Variants in SYNPR observed in about 807,000 individuals in gnomAD.
SYNPR encodes synaptoporin.
Under a neutral mutation model 32.9 loss-of-function variants are expected in SYNPR, and 23 were observed. The observed-to-expected ratio is 0.70, with a 90% CI of 0.50 to 0.99. SYNPR has a LOEUF of 0.99. Among genes scored for constraint, SYNPR ranks in the 50% least tolerant of loss-of-function variants. The pLI, the probability that SYNPR is intolerant of heterozygous loss-of-function variation, is 0.00. For synonymous variants in SYNPR, 146 were observed against 135.9 expected (o/e 1.07, Z -0.52); for missense variants, 318 against 349.3 (o/e 0.91, Z 0.71).
At chr3:63,208,760 C>T in the SYNPR span, among the ~76,000 whole-genome samples, 8 of 152,132 alleles carry the variant, frequency 5.3e-5, no homozygotes, top group African/African-American at 1.9e-4. Flanking sequence ...AAGTCAGAGA[C>T]CATGTCTTTC....
intron 2 of SYNPR, among the ~76,000 whole-genome samples, chr3:63,385,928 G>A (rs2088037898): frequency 6.6e-6 from 1 of 152,186 alleles, no homozygotes; most frequent in African/African-American, 2.4e-5. Context: ...GACTATCGAA[G>A]CTAAGACTCA....
chr3:63,374,699 G>C (rs1352513183), intron 2 of SYNPR, among the ~76,000 whole-genome samples: 2 of 152,068 alleles, frequency 1.3e-5, no homozygotes, highest in Non-Finnish European at 2.9e-5. Flanking sequence ...ATGATATTTT[G>C]GATATAGTTT....
At chr3:63,614,019 C>T (rs1700242025) in intron 5 of SYNPR, among the ~76,000 whole-genome samples, 1 of 140,098 alleles carries the variant, frequency 7.1e-6, no homozygotes, top group Admixed American at 7.3e-5. Flanking sequence ...CTTGACTACA[C>T]CAGTGCCCCC....
intron 2 of SYNPR, among the ~76,000 whole-genome samples, chr3:63,387,837 T>C (rs2088074202): frequency 6.6e-6 from 1 of 152,160 alleles, no homozygotes; most frequent in East Asian, 1.9e-4. Flanking sequence ...GGGACAAAGC[T>C]ACTGAGACCG....
chr3:63,277,326 TAGAA>T (rs1157398532), upstream of SYNPR, among the ~76,000 whole-genome samples: 1 of 152,196 alleles, frequency 6.6e-6, no homozygotes, highest in Non-Finnish European at 1.5e-5. Context: ...TTTCAGCTCA[TAGAA>T]AGAACTCACT....
chr3:63,408,307 GGAAGGAAGGAAGGAAAGAAA>G (rs1400579836), intron 2 of SYNPR, among the ~76,000 whole-genome samples: 2 of 89,074 alleles, frequency 2.2e-5, no homozygotes, highest in South Asian at 3.5e-4. Context: ...AAGGAAGGAA[GGAAGGAAGGAAGGAAAGAAA>G]GAAAGAAAGA....
intron 1 of SYNPR, among the ~76,000 whole-genome samples, chr3:63,247,103 A>G (rs1323971299): frequency 6.6e-6 from 1 of 152,068 alleles, no homozygotes; most frequent in African/African-American, 2.4e-5. Flanking sequence ...ATAATACCTG[A>G]CATTGTGCTG....
intron 2 of SYNPR, among the ~76,000 whole-genome samples, chr3:63,426,983 G>A (rs1699904224): frequency 6.6e-6 from 1 of 152,012 alleles, no homozygotes; most frequent in South Asian, 2.1e-4. Context: ...AGTTCTACCA[G>A]AATAAATATG....
chr3:63,502,847 C>T (rs1575679203), intron 3 of SYNPR, among the ~76,000 whole-genome samples: 1 of 151,914 alleles, frequency 6.6e-6, no homozygotes, highest in South Asian at 2.1e-4. Context: ...TATTCCATTG[C>T]ATGTACTGCA....
intron 2 of SYNPR, among the ~76,000 whole-genome samples, chr3:63,465,404 A>G (rs1397802285): frequency 6.6e-6 from 1 of 152,142 alleles, no homozygotes; most frequent in Non-Finnish European, 1.5e-5. Context: ...GGGAATCTAG[A>G]TTAATACTAT....
At chr3:63,223,378 T>C (rs2086104683), upstream of SYNPR, among the ~76,000 whole-genome samples, 1 of 121,064 alleles carries the variant, frequency 8.3e-6, no homozygotes, top group Non-Finnish European at 1.9e-5. Context: ...TCCAGGTTTT[T>C]CCCTGGTAGT....
chr3:63,604,712 A>G (rs1329937971), intron 4 of SYNPR, among the ~76,000 whole-genome samples: 1 of 152,134 alleles, frequency 6.6e-6, no homozygotes, highest in East Asian at 1.9e-4. Flanking sequence ...AACATTGTTG[A>G]TATGATTTTC....
intron 2 of SYNPR, chr3:63,330,026 CGGGCTGGCT>C (rs1467534215): frequency 6.6e-6 from 1 of 152,386 alleles, no homozygotes; most frequent in Non-Finnish European, 1.5e-5. Flanking sequence ...AGCATCAACT[CGGGCTGGCT>C]GGGCTGAGAG....
chr3:63,271,798 A>G (rs1196770014), intron 3 of SYNPR, among the ~76,000 whole-genome samples: 3 of 152,030 alleles, frequency 2.0e-5, no homozygotes, highest in Non-Finnish European at 4.4e-5. Context: ...TTTATATAGC[A>G]TCTATATATA....
At chr3:63,361,616 AG>A (rs2087662553) in intron 2 of SYNPR, among the ~76,000 whole-genome samples, 2 of 146,496 alleles carry the variant, frequency 1.4e-5, no homozygotes, top group East Asian at 2.1e-4. Flanking sequence ...AAAAAAAAAA[AG>A]GAGGGGGGGA....
At chr3:63,460,675 G>A (rs1417314796) in intron 2 of SYNPR, among the ~76,000 whole-genome samples, 1 of 151,008 alleles carries the variant, frequency 6.6e-6, no homozygotes, top group African/African-American at 2.4e-5. Flanking sequence ...AGAGGGGAAA[G>A]CAAGGACTTG....
intron 2 of SYNPR, among the ~76,000 whole-genome samples, chr3:63,401,052 T>A (rs1415589999): frequency 1.3e-5 from 2 of 152,080 alleles, no homozygotes; most frequent in Non-Finnish European, 2.9e-5. Flanking sequence ...TTTTTTTTTT[T>A]ATGATGATAA....
intron 3 of SYNPR, among the ~76,000 whole-genome samples, chr3:63,514,165 T>C (rs1199779728): frequency 1.3e-5 from 2 of 152,132 alleles, no homozygotes; most frequent in African/African-American, 4.8e-5. Flanking sequence ...CACAAATGTG[T>C]TTGGTGCATT....
intron 2 of SYNPR, among the ~76,000 whole-genome samples, chr3:63,476,031 G>A (rs990749534): frequency 6.6e-6 from 1 of 150,480 alleles, no homozygotes; most frequent in African/African-American, 2.5e-5. Context: ...GTGGAAGAAA[G>A]GTAGGGAGGA....
Sources: allele counts gnomAD v4.1 joint callset (sites outside exome capture counted in the v4.1 genomes callset), GRCh38; gene constraint gnomAD v4.1.1; transcripts MANE v1.5; gene names NCBI Gene and HGNC (gene_info 2026-07-23, HGNC 2026-07-21).